The following CFAP20DC variants were observed in gnomAD, a reference collection of about 807,000 sequenced individuals.
CFAP20DC encodes protein CFAP20DC.
In CFAP20DC, 84 loss-of-function variants were observed where a neutral mutation model predicts 101.7. The ratio of observed to expected loss-of-function variants is 0.83; its 90% CI spans 0.69 to 0.99. The LOEUF (loss-of-function observed/expected upper bound fraction) is 0.99. CFAP20DC is among the 50% of genes least tolerant of loss of function. The pLI is 0.00. For missense variants in CFAP20DC, 1,007 were observed against 970.3 expected (o/e 1.04, Z -0.50); for synonymous variants, 359 against 351.2 (o/e 1.02, Z -0.25).
intron 14 of CFAP20DC, among the ~76,000 whole-genome samples, chr3:58,830,397 T>G (rs1291213153): frequency 6.6e-6 from 1 of 152,090 alleles, no homozygotes; most frequent in African/African-American, 2.4e-5. Context: ...CTGATTCACT[T>G]TACTCAAGAG....
At chr3:58,930,900 G>T (rs940057923) in intron 5 of CFAP20DC, among the ~76,000 whole-genome samples, 6 of 152,142 alleles carry the variant, frequency 3.9e-5, no homozygotes, top group Non-Finnish European at 8.8e-5. Context: ...TCTCACTAGG[G>T]AGTGTCAGAC....
intron 14 of CFAP20DC, among the ~76,000 whole-genome samples, chr3:58,808,107 C>T (rs1250956480): frequency 2.0e-5 from 3 of 152,126 alleles, no homozygotes; most frequent in Non-Finnish European, 4.4e-5. Context: ...TTGAAAGTGA[C>T]AGGGAGAATG....
At chr3:58,716,210 G>A (rs899615624), downstream of CFAP20DC, among the ~76,000 whole-genome samples, 44 of 132,522 alleles carry the variant, frequency 3.3e-4, no homozygotes, top group Non-Finnish European at 3.7e-4. Flanking sequence ...GCGGGACTGC[G>A]GACTGCAGTG....
chr3:58,855,208 T>G (rs1385722924), intron 12 of CFAP20DC, among the ~76,000 whole-genome samples: 1 of 152,126 alleles, frequency 6.6e-6, no homozygotes, highest in Non-Finnish European at 1.5e-5. Context: ...AAAGAAGACA[T>G]TAATGCAGCC....
intron 4 of CFAP20DC, among the ~76,000 whole-genome samples, chr3:58,999,320 A>G (rs925413237): frequency 6.6e-6 from 1 of 152,214 alleles, no homozygotes; most frequent in Admixed American, 6.5e-5. Context: ...AAAAATGCCG[A>G]CTAGAGATAG....
At chr3:58,884,127 A>AC (rs2081423434) in intron 7 of CFAP20DC, among the ~76,000 whole-genome samples, 1 of 152,164 alleles carries the variant, frequency 6.6e-6, no homozygotes, top group African/African-American at 2.4e-5. Context: ...ACTGGCTAGA[A>AC]CTGAATTGTG....
Position 58,870,296 on chromosome 3 carries a change from G to A in CFAP20DC, c.729C>T (p.Asn243=). The A allele has an allele frequency of 6.2e-7, 1 of 1,613,714 alleles. No individual in the cohort carries two copies. Among genetic ancestry groups the A allele is most frequent in the Non-Finnish European group, 8.5e-7 (1 of 1,179,688 alleles). The part of the protein sequence containing the change: ...LRSAESDQFI[N]RGTSITRNSK... ...TGTTCCGTGTAATACTTGTTCCTCT[G>A]TTAATGAACTGATCTGTTTTGTTAA... The change falls in exon 8 of 17, where the codon AAC becomes AAT. Residue 243 remains asparagine (N), a synonymous_variant. Transcript: ENST00000482387.
chr3:58,777,160 T>A (rs755421583), intron 15 of CFAP20DC, among the ~76,000 whole-genome samples: 1 of 152,236 alleles, frequency 6.6e-6, no homozygotes, highest in Non-Finnish European at 1.5e-5. Context: ...GATAAATGCA[T>A]ATCTAACTGC....
chr3:58,800,298 A>AAC, intron 15 of CFAP20DC, among the ~76,000 whole-genome samples: 1 of 152,320 alleles, frequency 6.6e-6, no homozygotes, highest in Non-Finnish European at 1.5e-5. Context: ...GGCAACCTGC[A>AAC]CTCAGACTAT....
chr3:58,862,674 G>A (rs1261635656), intron 12 of CFAP20DC: 97 of 980,458 alleles, frequency 9.9e-5, no homozygotes, highest in Middle Eastern at 5.2e-4. Flanking sequence ...AATCAGTTAC[G>A]TTATAAAAAT....
intron 15 of CFAP20DC, among the ~76,000 whole-genome samples, chr3:58,797,579 C>T (rs979299478): frequency 6.6e-6 from 1 of 152,162 alleles, no homozygotes; most frequent in Admixed American, 6.5e-5. Flanking sequence ...GTAGAAGCTG[C>T]AGCAAGTTAT....
intron 3 of CFAP20DC, among the ~76,000 whole-genome samples, chr3:58,734,090 T>C (rs552509870): frequency 4.9e-4 from 75 of 151,976 alleles, no homozygotes; most frequent in African/African-American, 1.3e-3. Flanking sequence ...TCTCAGAATA[T>C]CTGGTTGTTT....
At chr3:58,849,559 TG>T (rs1443899749) in intron 12 of CFAP20DC, 150 bp from the exon 13 acceptor site, 14 of 624,440 alleles carry the variant, frequency 2.2e-5, no homozygotes, top group Non-Finnish European at 3.4e-5. Flanking sequence ...AAGAAAAACA[TG>T]AGTAACTAAA....
At chr3:58,911,131 C>T (rs2107349915) in intron 6 of CFAP20DC, among the ~76,000 whole-genome samples, 1 of 152,210 alleles carries the variant, frequency 6.6e-6, no homozygotes, top group Admixed American at 6.5e-5. Context: ...CTGAAGTATG[C>T]ATTCATTCTG....
chr3:58,881,346 C>T (rs543591111), intron 7 of CFAP20DC, among the ~76,000 whole-genome samples: 1 of 152,172 alleles, frequency 6.6e-6, no homozygotes, highest in South Asian at 2.1e-4. Context: ...TAGCTGAATG[C>T]TCAACTTCAA....
At chr3:59,039,210 G>C (rs1317357064) in intron 4 of CFAP20DC, among the ~76,000 whole-genome samples, 1 of 151,932 alleles carries the variant, frequency 6.6e-6, no homozygotes, top group Non-Finnish European at 1.5e-5. Flanking sequence ...CCATAGTTTT[G>C]AATAGCAGAC....
In CFAP20DC at chr3:59,015,086, G is replaced by T. The variant is rs770076708; in HGVS notation, c.278+24471C>A. Among the ~76,000 whole-genome samples, 1 of 152,120 alleles carries T rather than the reference G, an allele frequency of 6.6e-6. No individual in the cohort carries two copies. ...GTGGATGGAGTAGTGACAATGAAGG[G>T]ACTAAGGGCTGAAGAGCCTAAGGTT... On this transcript the variant is annotated intron_variant, in intron 4 of 16. Coordinates refer to ENST00000482387, the MANE Select transcript of CFAP20DC (RefSeq NM_001394063.1). This position sits in a 1 kb window ranked among gnomAD's most constrained non-coding sequence, Gnocchi z 5.4.
intron 14 of CFAP20DC, among the ~76,000 whole-genome samples, chr3:58,814,041 A>C (rs553279096): frequency 6.6e-5 from 10 of 152,040 alleles, no homozygotes; most frequent in Admixed American, 2.0e-4. Flanking sequence ...AATACTCCCA[A>C]TAACAAATTC....
rs1408614109 is a variant in CFAP20DC, at chr3:58,964,694, T to C, written c.279-26932A>G. ...ACATATTTTTGGTTTTGTGTGTACA[T>C]CAAATTGCACACACATTTTTGTATT... is the stretch of plus-strand genomic sequence containing the variant. On this transcript the variant is annotated intron_variant, in intron 4 of 16. Transcript: ENST00000482387. The surrounding 1 kb of genome is among the most constrained non-coding windows in gnomAD (Gnocchi z 4.1). Among the ~76,000 whole-genome samples the C allele has an allele frequency of 6.6e-6, 1 of 152,238 alleles. No individual in the cohort carries two copies. The highest frequency in any genetic ancestry group is 1.5e-5 in the Non-Finnish European group (1 of 68,040).
Sources: allele counts gnomAD v4.1 joint callset (sites outside exome capture counted in the v4.1 genomes callset), GRCh38; gene constraint gnomAD v4.1.1; non-coding constraint Gnocchi (gnomAD v3.1); transcripts MANE v1.5; gene names NCBI Gene and HGNC (gene_info 2026-07-23, HGNC 2026-07-21).